The following GJD4 variants were observed in gnomAD, a reference collection of about 807,000 sequenced individuals.
GJD4 encodes gap junction delta-4 protein.
GJD4 carries 18 observed loss-of-function variants against 17.9 expected under a neutral mutation model. That is an observed-to-expected ratio of 1.00 (90% CI 0.69 to 1.49). GJD4 has a LOEUF of 1.49. Ranked by LOEUF, GJD4 falls within the 40% of genes most tolerant of loss-of-function variation. GJD4 has a pLI of 0.00. For missense variants in GJD4, 639 were observed against 506.9 expected, an observed-to-expected ratio of 1.26 and a Z score of -2.50; for synonymous variants, 293 against 236.8, an observed-to-expected ratio of 1.24 and a Z score of -2.18.
Position 35,608,134 on chromosome 10 carries a change from G to A in GJD4, c.621G>A (p.Leu207=). 6.2e-7 allele frequency: 1 copy of A among 1,609,372 alleles called. No individual in the cohort carries two copies. The highest frequency in any genetic ancestry group is 8.5e-7 in the Non-Finnish European group (1 of 1,179,006). Residue 207 remains leucine, a synonymous_variant, in exon 2 of 2, where the codon CTG becomes CTA. Transcript: ENST00000321660. The part of the protein sequence containing the change: ...LMLFLWAVSA[L]SFLLGLADLV... ...TGTTCCTCTGGGCGGTCAGCGCGCT[G>A]TCTTTTCTGCTGGGCCTCGCCGACC...
rs115550535 is a variant in GJD4 at position 35,607,337 on chromosome 10, G to T, written c.65-241G>T. On this transcript the variant is annotated intron_variant, in intron 1 of 1. Transcript: ENST00000321660. ...GTGGTGGCTCATGCCTGTAATCCCAGCTACTCAAGAGGCCAAGGCGGCAGG... is the reference window on the plus strand; with the variant it reads ...GTGGTGGCTCATGCCTGTAATCCCATCTACTCAAGAGGCCAAGGCGGCAGG... The T allele has an allele frequency of 2.4e-3, 1,293 of 548,964 alleles. 17 individuals are homozygous for T. Among genetic ancestry groups the T allele is most frequent in the African/African-American group, 0.023 (1,196 of 52,912 alleles). The allele number at this position is 548,964 out of a possible 1,614,324, so 34.0% of individuals were successfully genotyped here.
At position 35,607,610 on chromosome 10, in the gene GJD4, C is replaced by T. The variant is rs755718143; in HGVS notation, c.97C>T (p.Arg33Trp). Residue 33 changes from arginine to tryptophan, a missense_variant, in exon 2 of 2, where the codon CGG (arginine) becomes TGG (tryptophan). Arg to Trp is a moderately radical substitution (Grantham distance 101, BLOSUM62 -3). Coordinates refer to ENST00000321660, the MANE Select transcript of GJD4 (RefSeq NM_153368.3). ...KLWFVLTMLL[R>W]MLVIVLAGRP... The stretch of plus-strand genomic sequence containing the variant: ...CTGGTTCGTCCTCACGATGCTGCTG[C>T]GGATGCTGGTGATTGTCTTGGCGGG... The T allele has an allele frequency of 6.2e-7, 1 of 1,614,192 alleles. No individual in the cohort carries two copies. The highest frequency in any genetic ancestry group is 8.5e-7 in the Non-Finnish European group (1 of 1,180,022).
chr10:35,607,204 T>TA (rs1330758784), intron 1 of GJD4: 2 of 219,164 alleles, frequency 9.1e-6, no homozygotes, highest in Non-Finnish European at 1.8e-5. Context: ...TAATGCTTTT[T>TA]AAAAATCTAC....
In GJD4 at chr10:35,608,261, C is replaced by CG; in HGVS notation, c.750dup (p.Thr251AspfsTer2). 1 of 1,570,908 alleles carries CG rather than the reference C, an allele frequency of 6.4e-7. No individual in the cohort carries two copies. Among genetic ancestry groups the CG allele is most frequent in the Non-Finnish European group, 8.6e-7 (1 of 1,163,726 alleles). ...AGCCTCAGGCCACGCGGAGGGACGC[C>CG]GGACTGACGAGGAGGGTGGGCGGGA... On this transcript the variant is annotated frameshift_variant, in exon 2 of 2. Transcript: ENST00000321660. LOFTEE classifies it high-confidence loss of function.
rs773571999 is a variant in GJD4 at position 35,605,418 on chromosome 10, C to T, written c.-150C>T. The T allele has an allele frequency of 4.3e-6, 3 of 693,644 alleles. No homozygotes were observed. Among genetic ancestry groups the T allele is most frequent in the Admixed American group, 2.6e-5 (1 of 38,140 alleles). 43.0% of individuals were successfully genotyped at this position (693,644 alleles called of 1,614,324 possible). A position where few individuals can be genotyped will look rare whatever the true frequency, so the allele number is the denominator to read the frequency against. On this transcript the variant is annotated 5_prime_UTR_variant, in exon 1 of 2. Coordinates refer to ENST00000321660, the MANE Select transcript of GJD4 (RefSeq NM_153368.3). ...CGTCTCAACTTGGAGACAGAAAAAC[C>T]CACCTCCTACTCCTGGCTCAGACCT...
chr10:35,608,070 G>T lies in GJD4; in HGVS notation c.557G>T (p.Cys186Phe). Residue 186 changes from cysteine (C) to phenylalanine (F), a missense_variant, in exon 2 of 2, where the codon TGC becomes TTC. Transcript: ENST00000321660. ...CCTCCGTGCACGGGCGTGGTGGACTGCTACGTGTCGCGGCCCACAGAGAAG... is the reference window on the plus strand; with the variant it reads ...CCTCCGTGCACGGGCGTGGTGGACTTCTACGTGTCGCGGCCCACAGAGAAG... ...TRPPCTGVVD[C>F]YVSRPTEKSL... 6.2e-7 allele frequency: 1 copy of T among 1,609,028 alleles called. No individual in the cohort carries two copies.
Position 35,608,213 on chromosome 10 carries a change from C to A in GJD4, c.700C>A (p.Pro234Thr). The change falls in exon 2 of 2, where the codon CCC becomes ACC. Residue 234 changes from proline (P) to threonine (T), a missense_variant. Pro to Thr is a conservative substitution (Grantham distance 38). Transcript: ENST00000321660. The stretch of plus-strand genomic sequence containing the variant: ...CAGGAGGCCGGGACCCCCCACAAGC[C>A]CCTCCATCCGGAAGCAGAGCGGAGC... ...MRRRPGPPTS[P>T]SIRKQSGASG... 2 of 1,589,984 alleles carry A rather than the reference C, an allele frequency of 1.3e-6. No homozygotes were observed. Among genetic ancestry groups the A allele is most frequent in the Non-Finnish European group, 1.7e-6 (2 of 1,173,484 alleles).
chr10:35,607,909 C>A lies in GJD4; in HGVS notation c.396C>A (p.Gly132=), dbSNP rs1392107517. Residue 132 remains glycine (G), a synonymous_variant, in exon 2 of 2, where the codon GGC becomes GGA. Transcript: ENST00000321660. ...RRCPRPFGER[G]GLQVPDFSAG... ...GCCCGCGGCCATTCGGGGAGCGCGG[C>A]GGCCTCCAGGTGCCCGACTTTTCGG... 3 of 1,597,310 alleles carry A rather than the reference C, an allele frequency of 1.9e-6. No individual in the cohort carries two copies. The highest frequency in any genetic ancestry group is 2.6e-6 in the Non-Finnish European group (3 of 1,176,240).
chr10:35,607,429 C>T (rs1835468839), intron 1 of GJD4, 149 bp from the exon 2 acceptor site: 10 of 653,716 alleles, frequency 1.5e-5, no homozygotes, highest in Non-Finnish European at 2.1e-5. Context: ...CCAACAACAA[C>T]AACAACGACA....
chr10:35,607,363 A>G (rs1441663100), intron 1 of GJD4: 2 of 576,400 alleles, frequency 3.5e-6, no homozygotes, highest in Non-Finnish European at 6.2e-6. Flanking sequence ...AGGCGGCAGG[A>G]GCACTTGAGG....
chr10:35,608,665 G>A lies in GJD4; in HGVS notation c.*39G>A. 2 of 1,416,226 alleles carry A rather than the reference G, an allele frequency of 1.4e-6. No homozygotes were observed. The highest frequency in any genetic ancestry group is 1.9e-6 in the Non-Finnish European group (2 of 1,071,002). The allele number at this position is 1,416,226 out of a possible 1,614,324, so 87.7% of individuals were successfully genotyped here. A position where few individuals can be genotyped will look rare whatever the true frequency, so the allele number is the denominator to read the frequency against. The stretch of plus-strand genomic sequence containing the variant: ...TGGCGGTGCCCCGGGGCTCACGCCT[G>A]TAATCCCAACACTTTGGGAGGCCCA... On this transcript the variant is annotated 3_prime_UTR_variant, in exon 2 of 2. Transcript: ENST00000321660.
chr10:35,605,991 A>G (rs1009690395), intron 1 of GJD4: 10 of 259,580 alleles, frequency 3.9e-5, no homozygotes, highest in African/African-American at 2.2e-4. Context: ...AAGGAACAGA[A>G]CAACAAATGT....
chr10:35,608,296 G>A lies in GJD4; in HGVS notation c.783G>A (p.Gly261=). 1 of 1,551,858 alleles carries A rather than the reference G, an allele frequency of 6.4e-7. No individual in the cohort carries two copies. Among genetic ancestry groups the A allele is most frequent in the Non-Finnish European group, 8.7e-7 (1 of 1,151,400 alleles). ...TDEEGGREEE[G]APAPPGARAG... ...AGGAGGGTGGGCGGGAGGAAGAGGG[G>A]GCACCGGCGCCCCCGGGTGCACGCG... The change falls in exon 2 of 2, where the codon GGG becomes GGA. Residue 261 remains glycine, a synonymous_variant. Transcript: ENST00000321660.
chr10:35,607,921 G>A lies in GJD4; in HGVS notation c.408G>A (p.Val136=), dbSNP rs1288340910. The change falls in exon 2 of 2, where the codon GTG becomes GTA. Residue 136 remains valine, a synonymous_variant. Coordinates refer to ENST00000321660, the MANE Select transcript of GJD4 (RefSeq NM_153368.3). ...TCGGGGAGCGCGGCGGCCTCCAGGT[G>A]CCCGACTTTTCGGCCGGCTACATCA... ...RPFGERGGLQ[V]PDFSAGYIIH... 3.7e-6 allele frequency: 6 copies of A among 1,604,392 alleles called. No homozygotes were observed. In the Admixed American group the frequency reaches 1.0e-4, roughly 27 times the overall value.
chr10:35,608,935 CA>C (rs3067572), downstream of GJD4: 17,614 of 58,476 alleles, frequency 0.3, 696 homozygotes, highest in East Asian at 0.4. Flanking sequence ...GAGACCCTGT[CA>C]AAAAAAAAAA....
Position 35,608,352 on chromosome 10 carries a change from GTACA to G in GJD4, c.841_844del (p.Thr281ProfsTer17). The G allele has an allele frequency of 1.3e-6, 2 of 1,551,286 alleles. No individual in the cohort carries two copies. Among genetic ancestry groups the G allele is most frequent in the Non-Finnish European group, 1.7e-6 (2 of 1,148,398 alleles). ...GGGGAGGGGGCTGGCAGCCCCAGGC[GTACA>G]TCCAGGGTGTCAGGGCACACGAAGA... On this transcript the variant is annotated frameshift_variant, in exon 2 of 2. Transcript: ENST00000321660. LOFTEE classifies it high-confidence loss of function.
chr10:35,608,283 G>C lies in GJD4; in HGVS notation c.770G>C (p.Arg257Pro), dbSNP rs369179387. 8 of 1,557,000 alleles carry C rather than the reference G, an allele frequency of 5.1e-6. No individual in the cohort carries two copies. The African/African-American group carries it at 9.5e-5, about 18-fold the overall frequency. Residue 257 changes from arginine (R) to proline (P), a missense_variant, in exon 2 of 2, where the codon CGG (arginine) becomes CCG (proline). Transcript: ENST00000321660. ...CGCCGGACTGACGAGGAGGGTGGGC[G>C]GGAGGAAGAGGGGGCACCGGCGCCC... ...EGRRTDEEGG[R>P]EEEGAPAPPG...
chr10:35,606,068 CA>C (rs1295988770), intron 1 of GJD4: 1 of 158,858 alleles, frequency 6.3e-6, no homozygotes, highest in Non-Finnish European at 1.4e-5. Flanking sequence ...TTTTTGGAGA[CA>C]GAGTCTCACT....
rs1277955713 is a variant in GJD4 at position 35,608,579 on chromosome 10, T to A, written c.1066T>A (p.Ser356Thr). The A allele has an allele frequency of 6.5e-7, 1 of 1,544,370 alleles. No individual in the cohort carries two copies. The highest frequency in any genetic ancestry group is 2.1e-5 in the Admixed American group (1 of 47,392). Residue 356 changes from serine (S) to threonine (T), a missense_variant, in exon 2 of 2, where the codon TCC becomes ACC. By Grantham distance (58) the Ser-to-Thr change is moderately conservative. Transcript: ENST00000321660. Reference protein sequence around the residue: ...SLQPPDPPASSSGAPHLRARK... With the variant: ...SLQPPDPPASTSGAPHLRARK... ...GCAGCCCCCTGACCCGCCTGCCAGC[T>A]CCAGTGGTGCTCCCCACCTGAGAGC...
Sources: gnomAD v4.1 joint callset for allele counts on GRCh38, gnomAD v4.1.1 for gene constraint, MANE v1.5 for transcripts, NCBI Gene and HGNC (gene_info 2026-07-23, HGNC 2026-07-21) for gene names.